MYO16: variants seen among roughly 807,000 people sequenced by gnomAD.
MYO16 encodes the protein unconventional myosin-XVI.
MYO16 carries 94 observed loss-of-function variants against 205.3 expected under a neutral mutation model. That is an observed-to-expected ratio of 0.46 (90% CI 0.39 to 0.54). MYO16 has a LOEUF of 0.54. Ranked by LOEUF, MYO16 falls within the 20% of genes least tolerant of loss-of-function variation. MYO16 has a pLI of 0.00. For synonymous variants in MYO16, 988 were observed against 954.0 expected (o/e 1.04, Z -0.66); for missense variants, 2,315 against 2,387.5 (o/e 0.97, Z 0.63).
chr13:108,997,326 AAGAAAGAAAG>A (rs1885044927), intron 21 of MYO16, among the ~76,000 whole-genome samples: 1 of 9,224 alleles, frequency 1.1e-4, no homozygotes. Flanking sequence ...GAAAGAAAGA[AAGAAAGAAAG>A]AAAGAGAGAG....
At chr13:108,533,413 C>A in the MYO16 span, among the ~76,000 whole-genome samples, 1 of 152,190 alleles carries the variant, frequency 6.6e-6, no homozygotes, top group Non-Finnish European at 1.5e-5. Context: ...GAATGACCAT[C>A]ATATGATTAG....
intron 12 of MYO16, among the ~76,000 whole-genome samples, chr13:108,867,370 T>C (rs139870884): frequency 1.2e-3 from 177 of 152,034 alleles, no homozygotes; most frequent in African/African-American, 4.0e-3. Context: ...CGTCTCTAAA[T>C]AGAATAAAGT....
At chr13:108,552,945 G>T in the MYO16 span, among the ~76,000 whole-genome samples, 1 of 151,000 alleles carries the variant, frequency 6.6e-6, no homozygotes, top group Non-Finnish European at 1.5e-5. Flanking sequence ...CACTTATGAG[G>T]GTGGAGCCCT....
At chr13:108,810,651 TG>T (rs1887261962) in intron 7 of MYO16, among the ~76,000 whole-genome samples, 1 of 119,676 alleles carries the variant, frequency 8.4e-6, no homozygotes, top group Admixed American at 9.1e-5. Context: ...TTTATATGCA[TG>T]GAAGATTTAT....
At chr13:108,604,648 G>A (rs1356972626) in intron 1 of MYO16, among the ~76,000 whole-genome samples, 1 of 152,146 alleles carries the variant, frequency 6.6e-6, no homozygotes, top group Non-Finnish European at 1.5e-5. Flanking sequence ...TCAGGTCCTG[G>A]ATTCTGAACT....
the MYO16 span, among the ~76,000 whole-genome samples, chr13:108,579,600 C>T: frequency 6.6e-6 from 1 of 151,968 alleles, no homozygotes; most frequent in South Asian, 2.1e-4. Flanking sequence ...TCCATCACAT[C>T]CGGCTAATTT....
At chr13:108,775,703 G>A (rs754632059) in intron 4 of MYO16, among the ~76,000 whole-genome samples, 12 of 152,090 alleles carry the variant, frequency 7.9e-5, no homozygotes, top group East Asian at 1.9e-4. Context: ...CTAAAATTGC[G>A]CATTTACTTC....
At chr13:108,531,933 C>T in the MYO16 span, among the ~76,000 whole-genome samples, 1 of 152,064 alleles carries the variant, frequency 6.6e-6, no homozygotes, top group African/African-American at 2.4e-5. Context: ...AAGGCCCGGC[C>T]TGGTGGCTCA....
At chr13:108,550,423 C>T in the MYO16 span, among the ~76,000 whole-genome samples, 37 of 152,362 alleles carry the variant, frequency 2.4e-4, no homozygotes, top group Non-Finnish European at 4.3e-4. Context: ...TTAGATTTAA[C>T]ACCTTGGACT....
chr13:108,829,896 C>G (rs891569381), intron 9 of MYO16, among the ~76,000 whole-genome samples: 1 of 151,420 alleles, frequency 6.6e-6, no homozygotes, highest in Non-Finnish European at 1.5e-5. Flanking sequence ...CTACAATGAA[C>G]TCAAACAAAT....
At chr13:108,761,635 C>G (rs1364256104) in intron 4 of MYO16, among the ~76,000 whole-genome samples, 1 of 152,174 alleles carries the variant, frequency 6.6e-6, no homozygotes, top group African/African-American at 2.4e-5. Flanking sequence ...CCGCTTGAGT[C>G]TCATCTCAAA....
At chr13:108,836,879 C>T (rs191329028) in intron 9 of MYO16, among the ~76,000 whole-genome samples, 7 of 152,244 alleles carry the variant, frequency 4.6e-5, no homozygotes, top group Non-Finnish European at 7.3e-5. Flanking sequence ...TTTACAGGCT[C>T]ATAGATGGTG....
intron 34 of MYO16, among the ~76,000 whole-genome samples, chr13:109,199,018 T>G (rs1880278335): frequency 6.6e-6 from 1 of 151,830 alleles, no homozygotes; most frequent in African/African-American, 2.4e-5. Context: ...GTCACTTGTC[T>G]ACGTCAAATC....
At chr13:108,506,013 G>C in the MYO16 span, among the ~76,000 whole-genome samples, 2 of 152,024 alleles carry the variant, frequency 1.3e-5, no homozygotes, top group Middle Eastern at 3.4e-3. Flanking sequence ...CTCTTCCATT[G>C]GTCTTTATGT....
intron 31 of MYO16, among the ~76,000 whole-genome samples, chr13:109,134,453 G>A (rs1459037156): frequency 1.3e-5 from 2 of 152,164 alleles, no homozygotes; most frequent in South Asian, 4.1e-4. Flanking sequence ...GGCTCTGGGT[G>A]TCAACAGAGA....
upstream of MYO16, among the ~76,000 whole-genome samples, chr13:108,593,376 C>T (rs1055127713): frequency 3.3e-5 from 5 of 152,188 alleles, no homozygotes; most frequent in East Asian, 1.9e-4. Flanking sequence ...TTTCTGGCAA[C>T]GGATTCTGGG....
At chr13:108,958,935 A>AGAT (rs1176905636) in intron 17 of MYO16, among the ~76,000 whole-genome samples, 1 of 152,206 alleles carries the variant, frequency 6.6e-6, no homozygotes, top group Non-Finnish European at 1.5e-5. Context: ...ATTAGGTCAC[A>AGAT]GATTTAAATC....
intron 1 of MYO16, among the ~76,000 whole-genome samples, chr13:108,616,332 T>A (rs1879348159): frequency 6.6e-6 from 1 of 152,218 alleles, no homozygotes; most frequent in Non-Finnish European, 1.5e-5. Context: ...TAAGACTCTT[T>A]CAGAGCGAAA....
the MYO16 span, among the ~76,000 whole-genome samples, chr13:108,553,889 A>C: frequency 1.3e-5 from 2 of 152,098 alleles, no homozygotes; most frequent in Non-Finnish European, 2.9e-5. Context: ...TGCCGATGCG[A>C]GTGCCCCAAG....
Sources: gnomAD v4.1 joint callset for allele counts (sites outside exome capture counted in the v4.1 genomes callset) on GRCh38, gnomAD v4.1.1 for gene constraint, MANE v1.5 for transcripts, NCBI Gene and HGNC (gene_info 2026-07-23, HGNC 2026-07-21) for gene names.